Variants in RB1CC1 observed in about 807,000 individuals in gnomAD.
The protein encoded by RB1CC1 is RB1 inducible coiled-coil 1, also known as RB1-inducible coiled-coil protein 1.
Under a neutral mutation model 177.5 loss-of-function variants are expected in RB1CC1, and 46 were observed. That is an observed-to-expected ratio of 0.26 (90% CI 0.20 to 0.33). The LOEUF is 0.33. Among genes scored for constraint, RB1CC1 ranks in the 10% least tolerant of loss-of-function variants. The pLI is 1.00. For synonymous variants in RB1CC1, 666 were observed against 613.6 expected, an observed-to-expected ratio of 1.09 and a Z score of -1.26; for missense variants, 1,703 against 1,816.3, an observed-to-expected ratio of 0.94 and a Z score of 1.13.
chr8:52,681,117 G>A (rs185290912), intron 5 of RB1CC1, among the ~76,000 whole-genome samples: 180 of 151,292 alleles, frequency 1.2e-3, no homozygotes, highest in African/African-American at 4.0e-3. Flanking sequence ...TCAGCCTCCC[G>A]AGCAGCTGGG....
chr8:52,656,317 T>G lies in RB1CC1; in HGVS notation c.3512A>C (p.Asn1171Thr). The change falls in exon 15 of 24, where the codon AAC becomes ACC. Residue 1171 changes from asparagine (N) to threonine (T), a missense_variant. Asn to Thr is a moderately conservative substitution (Grantham distance 65). Transcript: ENST00000025008. Reference sequence around the variant, plus strand: ...CAGTTCAATTATTTGTTCTTTTAGGTTTTTTTCTATTTCAAATGCTTGGTT... The same window carrying G: ...CAGTTCAATTATTTGTTCTTTTAGGGTTTTTTCTATTTCAAATGCTTGGTT... ...LHNQAFEIEK[N>T]LKEQIIELQS... The G allele has an allele frequency of 6.2e-7, 1 of 1,612,890 alleles. No homozygotes were observed. The highest frequency in any genetic ancestry group is 8.5e-7 in the Non-Finnish European group (1 of 1,179,718).
rs1395200292 is a variant in RB1CC1, at chr8:52,658,230, C to A, written c.1794-106G>T. 2.5e-6 allele frequency: 3 copies of A among 1,223,222 alleles called. No homozygotes were observed. The East Asian group carries it at 7.5e-5, about 31-fold the overall frequency. The allele number at this position is 1,223,222 out of a possible 1,614,324, so 75.8% of individuals were successfully genotyped here. A position where few individuals can be genotyped will look rare whatever the true frequency, so the allele number is the denominator to read the frequency against. On this transcript the variant is annotated intron_variant, in intron 13 of 23. Transcript: ENST00000025008. Reference sequence around the variant, plus strand: ...CAAAAATAACAAGAGCCTTATCATTCCTTTTTAAATTAATACCAGAAGTAT... The same window carrying A: ...CAAAAATAACAAGAGCCTTATCATTACTTTTTAAATTAATACCAGAAGTAT...
At chr8:52,630,680 C>T in intron 20 of RB1CC1, 152 bp from the exon 21 acceptor site, 1 of 704,822 alleles carries the variant, frequency 1.4e-6, no homozygotes, top group Non-Finnish European at 2.0e-6. Flanking sequence ...ATTAATAATT[C>T]CTTTATTTCA....
chr8:52,646,434 G>T (rs990432899), intron 15 of RB1CC1, among the ~76,000 whole-genome samples: 3 of 151,636 alleles, frequency 2.0e-5, no homozygotes, highest in African/African-American at 7.2e-5. Flanking sequence ...TCTGGTAAGG[G>T]ACTATACACA....
At chr8:52,701,022 A>C (rs1311164627) in intron 1 of RB1CC1, among the ~76,000 whole-genome samples, 1 of 152,246 alleles carries the variant, frequency 6.6e-6, no homozygotes, top group Non-Finnish European at 1.5e-5. Context: ...TAAGTTGTAT[A>C]AATTGGACTC....
chr8:52,671,326 G>C (rs187616239), intron 7 of RB1CC1, among the ~76,000 whole-genome samples: 1 of 152,150 alleles, frequency 6.6e-6, no homozygotes, highest in Admixed American at 6.5e-5. Flanking sequence ...AAAAACGATA[G>C]ATTTAAACTG....
At chr8:52,666,695 A>C (rs947464966) in intron 8 of RB1CC1, among the ~76,000 whole-genome samples, 3 of 152,156 alleles carry the variant, frequency 2.0e-5, no homozygotes, top group African/African-American at 7.2e-5. Context: ...CTATATACAA[A>C]AGAACCAAAC....
chr8:52,650,492 A>T (rs1850472643), intron 15 of RB1CC1, among the ~76,000 whole-genome samples: 1 of 152,218 alleles, frequency 6.6e-6, no homozygotes, highest in South Asian at 2.1e-4. Context: ...TTTCTATTAT[A>T]GATCTCTTGG....
Position 52,674,078 on chromosome 8 carries a change from A to G in RB1CC1, c.769T>C (p.Ser257Pro), listed in dbSNP as rs1445173140. Residue 257 changes from serine (S) to proline (P), a missense_variant, in exon 7 of 24, where the codon TCA (serine) becomes CCA (proline). Ser to Pro is a moderately conservative substitution (Grantham distance 74, BLOSUM62 -1). Transcript: ENST00000025008. Reference sequence around the variant, plus strand: ...ACATGTTCCACTGACTTGGGAAATGAGGTTAACAAAGATTCGTTAGTTGTT... The same window carrying G: ...ACATGTTCCACTGACTTGGGAAATGGGGTTAACAAAGATTCGTTAGTTGTT... ...PRTTNESLLT[S>P]FPKSVEHVSP... 1 of 1,614,128 alleles carries G rather than the reference A, an allele frequency of 6.2e-7. No homozygotes were observed. Among genetic ancestry groups the G allele is most frequent in the East Asian group, 2.2e-5 (1 of 44,858 alleles).
rs968566541 is a variant in RB1CC1, at chr8:52,623,501, G to A, written c.*281C>T. ...TCATAAGCCACAATGCACAAGGTAT[G>A]CCCTTTGAGAAAATGAAGTAGTTTG... is the stretch of plus-strand genomic sequence containing the variant. On this transcript the variant is annotated 3_prime_UTR_variant, in exon 24 of 24. Coordinates refer to ENST00000025008, the MANE Select transcript of RB1CC1 (RefSeq NM_014781.5). 2 of 414,532 alleles carry A rather than the reference G, an allele frequency of 4.8e-6. No individual in the cohort carries two copies. The highest frequency in any genetic ancestry group is 3.4e-5 in the Admixed American group (1 of 29,094). The allele number at this position is 414,532 out of a possible 1,614,324, so 25.7% of individuals were successfully genotyped here. A position where few individuals can be genotyped will look rare whatever the true frequency, so the allele number is the denominator to read the frequency against.
intron 3 of RB1CC1, among the ~76,000 whole-genome samples, 184 bp downstream of exon 3, chr8:52,685,215 G>T (rs1192562137): frequency 2.0e-5 from 3 of 152,052 alleles, no homozygotes; most frequent in African/African-American, 7.2e-5. Context: ...TGTTGGCCAG[G>T]ATGGTCTCGA....
chr8:52,694,393 G>C (rs1002192463), intron 1 of RB1CC1, among the ~76,000 whole-genome samples: 1 of 152,190 alleles, frequency 6.6e-6, no homozygotes, highest in Non-Finnish European at 1.5e-5. Flanking sequence ...TGTGGATCCG[G>C]AGACAGTCTC....
chr8:52,626,514 A>C (rs1017324796), intron 22 of RB1CC1, among the ~76,000 whole-genome samples: 19 of 152,296 alleles, frequency 1.2e-4, no homozygotes, highest in African/African-American at 4.6e-4. Flanking sequence ...AGATATTGCA[A>C]GTGGGGTAAA....
At chr8:52,634,168 G>A (rs1848961286) in intron 20 of RB1CC1, among the ~76,000 whole-genome samples, 1 of 151,834 alleles carries the variant, frequency 6.6e-6, no homozygotes, top group Admixed American at 6.6e-5. Context: ...TAAAAACCAG[G>A]GCAATTTACA....
chr8:52,713,727 G>A (rs1441629820), intron 1 of RB1CC1, among the ~76,000 whole-genome samples: 1 of 152,222 alleles, frequency 6.6e-6, no homozygotes, highest in African/African-American at 2.4e-5. Context: ...CCGGCAACTA[G>A]GCCGGGTACT....
At chr8:52,633,891 C>T (rs1268446513) in intron 20 of RB1CC1, among the ~76,000 whole-genome samples, 3 of 152,072 alleles carry the variant, frequency 2.0e-5, no homozygotes, top group Non-Finnish European at 4.4e-5. Flanking sequence ...CAGTTCGAGA[C>T]CAGCCTGGAC....
At chr8:52,672,606 C>A (rs1852703176) in intron 7 of RB1CC1, among the ~76,000 whole-genome samples, 1 of 152,044 alleles carries the variant, frequency 6.6e-6, no homozygotes, top group African/African-American at 2.4e-5. Context: ...ATTAGCTGGA[C>A]ATGGTGGTGT....
chr8:52,652,101 T>A (rs535648792), intron 15 of RB1CC1, among the ~76,000 whole-genome samples: 1 of 152,266 alleles, frequency 6.6e-6, no homozygotes, highest in East Asian at 1.9e-4. Flanking sequence ...AATCAAAACT[T>A]AAGAGATTTG....
At chr8:52,669,915 G>C (rs1852406104) in intron 7 of RB1CC1, among the ~76,000 whole-genome samples, 1 of 152,060 alleles carries the variant, frequency 6.6e-6, no homozygotes, top group Non-Finnish European at 1.5e-5. Flanking sequence ...AAACATAGGA[G>C]AGTATTTTAT....
Sources: gnomAD v4.1 joint callset for allele counts (sites outside exome capture counted in the v4.1 genomes callset) on GRCh38, gnomAD v4.1.1 for gene constraint, MANE v1.5 for transcripts, NCBI Gene and HGNC (gene_info 2026-07-23, HGNC 2026-07-21) for gene names.